Variants in HECTD4 observed in about 807,000 individuals in gnomAD.
HECTD4 encodes probable E3 ubiquitin-protein ligase HECTD4.
A neutral mutation model predicts 471.5 loss-of-function variants in HECTD4; 114 were observed. The ratio of observed to expected loss-of-function variants is 0.24; its 90% confidence interval spans 0.21 to 0.28. The LOEUF (loss-of-function observed/expected upper bound fraction) is 0.28, where lower values mean the gene tolerates loss of function less well. Ranked by LOEUF, HECTD4 falls within the 10% of genes least tolerant of loss-of-function variation. The probability of loss-of-function intolerance (pLI) is 1.00; values close to 1 mark genes in which losing one functional copy is unlikely to be tolerated. For missense variants in HECTD4, 3,866 were observed against 5,651.5 expected (o/e 0.68, Z 10.13); for synonymous variants, 2,012 against 2,256.0 (o/e 0.89, Z 3.07).
In HECTD4 at chr12:112,192,683, G is replaced by A. The variant is rs1180714181; in HGVS notation, c.9169C>T (p.Leu3057Phe). 1.2e-6 allele frequency: 2 copies of A among 1,603,398 alleles called. No homozygotes were observed. The highest frequency in any genetic ancestry group is 1.1e-5 in the South Asian group (1 of 88,722). ...HKVKRNGQLN[L>F]IEAACYPRDA... The stretch of plus-strand genomic sequence containing the variant: ...CGCGGGTAACAGGCGGCCTCGATGA[G>A]GTTCAGCTGGCCATTTCGCTTCACT... The change falls in exon 59 of 76, where the codon CTC becomes TTC. Residue 3057 changes from leucine (L) to phenylalanine (F), a missense_variant. Coordinates refer to ENST00000682272, the MANE Select transcript of HECTD4 (RefSeq NM_001388303.1).
Position 112,243,983 on chromosome 12 carries a change from C to T in HECTD4, c.4540G>A (p.Val1514Met). 1 of 1,613,936 alleles carries T rather than the reference C, an allele frequency of 6.2e-7. No homozygotes were observed. ...PACKSASETK[V>M]ISHAVRQPVF... Reference sequence around the variant, plus strand: ...GGCTGCCTGACAGCGTGAGATATCACTTTTGTTTCAGAAGCTGATTTACAA... The same window carrying T: ...GGCTGCCTGACAGCGTGAGATATCATTTTTGTTTCAGAAGCTGATTTACAA... The change falls in exon 30 of 76, where the codon GTG becomes ATG. Residue 1514 changes from valine to methionine, a missense_variant. By Grantham distance (21) the Val-to-Met change is conservative. Coordinates refer to ENST00000682272, the MANE Select transcript of HECTD4 (RefSeq NM_001388303.1). This position sits in a 1 kb window ranked among gnomAD's most constrained non-coding sequence, Gnocchi z 6.6.
chr12:112,325,790 C>T lies in HECTD4; in HGVS notation c.178-6048G>A, dbSNP rs188820767. Among the ~76,000 whole-genome samples the T allele has an allele frequency of 4.0e-3, 614 of 151,680 alleles. 6 individuals are homozygous for T. The highest frequency in any genetic ancestry group is 0.014 in the African/African-American group (565 of 41,348). ...CCTTCATGTATTTTTTTTAATCACA[C>T]ATAACATATGTGTTTTGTTGCCGTT... On this transcript the variant is annotated intron_variant, in intron 1 of 75. Transcript: ENST00000682272.
chr12:112,313,990 C>T (rs556638118), intron 3 of HECTD4, among the ~76,000 whole-genome samples: 2 of 151,956 alleles, frequency 1.3e-5, no homozygotes, highest in South Asian at 4.1e-4. Flanking sequence ...CTTCATTATA[C>T]CTTAATATAT....
At chr12:112,291,714 T>C (rs1181867464) in intron 7 of HECTD4, among the ~76,000 whole-genome samples, 2 of 151,910 alleles carry the variant, frequency 1.3e-5, no homozygotes, top group African/African-American at 2.4e-5. Flanking sequence ...CTACTAAAAA[T>C]ACAAAAAATC....
intron 35 of HECTD4, 57 bp downstream of exon 35, chr12:112,236,888 C>T: frequency 2.1e-6 from 3 of 1,436,908 alleles, no homozygotes; most frequent in Non-Finnish European, 2.8e-6. Flanking sequence ...AAAGAAACCC[C>T]AATCGTTCAA....
Position 112,192,575 on chromosome 12 carries a change from C to T in HECTD4, c.9277G>A (p.Val3093Ile), listed in dbSNP as rs781480795. 37 of 1,580,904 alleles carry T rather than the reference C, an allele frequency of 2.3e-5. No homozygotes were observed. The highest frequency in any genetic ancestry group is 2.9e-5 in the Non-Finnish European group (34 of 1,160,902). The change falls in exon 59 of 76, where the codon GTC becomes ATC. Residue 3093 changes from valine (V) to isoleucine (I), a missense_variant. Val to Ile is a conservative substitution (Grantham distance 29). Transcript: ENST00000682272. ...GGAGACTCACCCAGTTTGATGTGGACCCTGTCTGTGGAGAGGACCACAGAG... is the reference window on the plus strand; with the variant it reads ...GGAGACTCACCCAGTTTGATGTGGATCCTGTCTGTGGAGAGGACCACAGAG... The part of the protein sequence containing the change: ...YPSVVLSTDR[V>I]HIKLGVSPPP...
chr12:112,312,698 A>G (rs146888669), intron 4 of HECTD4, among the ~76,000 whole-genome samples: 1 of 152,332 alleles, frequency 6.6e-6, no homozygotes, highest in Non-Finnish European at 1.5e-5. Flanking sequence ...CTATTAGCAG[A>G]CAAAAAAATT....
rs2033585463 is a variant in HECTD4, at chr12:112,239,259, A to G, written c.5106-23T>C. 1.3e-6 allele frequency: 2 copies of G among 1,587,988 alleles called. No individual in the cohort carries two copies. The highest frequency in any genetic ancestry group is 4.6e-5 in the East Asian group (2 of 43,952). ...CTCCTGACAAAGGGTCATGGATTAC[A>G]CTAGATAAACGTAACTGACCGACAC... On this transcript the variant is annotated intron_variant, in intron 33 of 75. Coordinates refer to ENST00000682272, the MANE Select transcript of HECTD4 (RefSeq NM_001388303.1). This position sits in a 1 kb window ranked among gnomAD's most constrained non-coding sequence, Gnocchi z 4.9.
intron 18 of HECTD4, among the ~76,000 whole-genome samples, chr12:112,260,100 G>A (rs1368768454): frequency 1.3e-5 from 2 of 152,014 alleles, no homozygotes; most frequent in South Asian, 2.1e-4. Context: ...AACTCTATGC[G>A]CATTAAACAA....
chr12:112,165,278 A>G (rs2030893616), intron 72 of HECTD4, among the ~76,000 whole-genome samples: 1 of 149,580 alleles, frequency 6.7e-6, no homozygotes, highest in South Asian at 2.1e-4. Context: ...ACCAGATGAT[A>G]CTGTTTGAAC....
intron 1 of HECTD4, among the ~76,000 whole-genome samples, chr12:112,339,513 A>G (rs1166967145): frequency 6.6e-6 from 1 of 152,064 alleles, no homozygotes; most frequent in Non-Finnish European, 1.5e-5. Flanking sequence ...TGTACAGCTG[A>G]CCAGGAGCTT....
intron 7 of HECTD4, among the ~76,000 whole-genome samples, chr12:112,293,421 A>T (rs1320010004): frequency 1.3e-5 from 2 of 151,828 alleles, no homozygotes; most frequent in African/African-American, 2.4e-5. Context: ...TTGCGCCTGT[A>T]ATCTCAGCCA....
At chr12:112,298,962 T>A (rs1181822286) in intron 7 of HECTD4, among the ~76,000 whole-genome samples, 1 of 152,054 alleles carries the variant, frequency 6.6e-6, no homozygotes, top group Non-Finnish European at 1.5e-5. Context: ...TTCACAGTGT[T>A]CCATTCTGTG....
intron 1 of HECTD4, among the ~76,000 whole-genome samples, chr12:112,334,262 A>G (rs1172687910): frequency 6.6e-6 from 1 of 151,272 alleles, no homozygotes; most frequent in East Asian, 1.9e-4. Context: ...GTGGGAGAAA[A>G]TCTTCACAAT....
At chr12:112,177,317 T>C (rs531209752) in intron 64 of HECTD4, among the ~76,000 whole-genome samples, 3 of 152,166 alleles carry the variant, frequency 2.0e-5, no homozygotes, top group Non-Finnish European at 4.4e-5. Flanking sequence ...CACAGACCCG[T>C]ATCTAAAGAA....
intron 23 of HECTD4, 48 bp downstream of exon 23, chr12:112,252,376 C>G (rs182168037): frequency 6.5e-7 from 1 of 1,532,370 alleles, no homozygotes; most frequent in Non-Finnish European, 8.8e-7. Context: ...AATCAAGGCA[C>G]ATAGCAGATA....
chr12:112,258,984 C>T lies in HECTD4; in HGVS notation c.3027+128G>A, dbSNP rs2034085977. 16 of 805,566 alleles carry T rather than the reference C, an allele frequency of 2.0e-5. No homozygotes were observed. The Admixed American group carries it at 4.2e-4, about 21-fold the overall frequency. The allele number at this position is 805,566 out of a possible 1,614,324, so 49.9% of individuals were successfully genotyped here. A position where few individuals can be genotyped will look rare whatever the true frequency, so the allele number is the denominator to read the frequency against. On this transcript the variant is annotated intron_variant, in intron 19 of 75. Transcript: ENST00000682272. ...TTATGACATGATATTTTTCTTCATTCCATCATTATTTCCCTTGGTTTCTGA... is the reference window on the plus strand; with the variant it reads ...TTATGACATGATATTTTTCTTCATTTCATCATTATTTCCCTTGGTTTCTGA...
Position 112,262,515 on chromosome 12 carries a change from C to CAAAAAAAAAAAAAAAAAA in HECTD4, c.2749-1104_2749-1087dup, listed in dbSNP as rs758273849. On this transcript the variant is annotated intron_variant, in intron 17 of 75. Coordinates refer to ENST00000682272, the MANE Select transcript of HECTD4 (RefSeq NM_001388303.1). ...TGGGCGACAAAGAGAGACTCCATCT[C>CAAAAAAAAAAAAAAAAAA]AAAAAAAAAAAAAAAAAAAAAAAAA... Among the ~76,000 whole-genome samples the CAAAAAAAAAAAAAAAAAA allele has an allele frequency of 2.0e-4, 4 of 19,762 alleles. 1 individual carries two copies. The highest frequency in any genetic ancestry group is 5.7e-4 in the African/African-American group (4 of 7,032). 13.0% of individuals were successfully genotyped at this position (19,762 alleles called of 152,430 possible). A position where few individuals can be genotyped will look rare whatever the true frequency, so the allele number is the denominator to read the frequency against.
intron 1 of HECTD4, among the ~76,000 whole-genome samples, chr12:112,339,145 A>G (rs887618357): frequency 6.6e-6 from 1 of 152,042 alleles, no homozygotes; most frequent in African/African-American, 2.4e-5. Context: ...ATTCGTAGCA[A>G]CACTGTTTAT....
Sources: gnomAD v4.1 joint callset for allele counts (sites outside exome capture counted in the v4.1 genomes callset) on GRCh38, gnomAD v4.1.1 for gene constraint, Gnocchi (gnomAD v3.1) non-coding constraint, MANE v1.5 for transcripts, NCBI Gene and HGNC (gene_info 2026-07-23, HGNC 2026-07-21) for gene names.